RNF217: variants seen among roughly 807,000 people sequenced by gnomAD.
RNF217 encodes E3 ubiquitin-protein ligase RNF217.
In RNF217, 31 loss-of-function variants were observed where a neutral mutation model predicts 57.8. The observed-to-expected ratio is 0.54, with a 90% confidence interval of 0.40 to 0.72. The LOEUF (loss-of-function observed/expected upper bound fraction) is 0.72, where lower values mean the gene tolerates loss of function less well. Among genes scored for constraint, RNF217 ranks in the 30% least tolerant of loss-of-function variants. The probability of loss-of-function intolerance (pLI) is 0.00; values close to 1 mark genes in which losing one functional copy is unlikely to be tolerated. For missense variants in RNF217, 696 were observed against 708.3 expected (o/e 0.98, Z 0.20); for synonymous variants, 313 against 294.0 (o/e 1.06, Z -0.66).
At chr6:125,006,901 A>G (rs1022258636) in intron 1 of RNF217, among the ~76,000 whole-genome samples, 25 of 152,250 alleles carry the variant, frequency 1.6e-4, no homozygotes, top group African/African-American at 6.0e-4. Context: ...ATGAGCCGAG[A>G]TCGCGCCATT....
At position 125,034,604 on chromosome 6, in the gene RNF217, T is replaced by A. The variant is rs570184760; in HGVS notation, c.883-10607T>A. ...TGCTGTTTTGGTTACTGTAGCCTTG[T>A]AGTATAGTTTGAAGTCAGGTAGCGT... On this transcript the variant is annotated intron_variant, in intron 1 of 5. Transcript: ENST00000521654. Among the ~76,000 whole-genome samples, 633 of 152,294 alleles carry A rather than the reference T, an allele frequency of 4.2e-3. 5 individuals carry two copies. The highest frequency in any genetic ancestry group is 0.015 in the African/African-American group (608 of 41,562).
chr6:124,965,119 G>C (rs1306271370), intron 1 of RNF217, among the ~76,000 whole-genome samples: 1 of 152,146 alleles, frequency 6.6e-6, no homozygotes, highest in Admixed American at 6.5e-5. Context: ...GTAGTAGGGA[G>C]ACAGAGGGAC....
chr6:125,031,846 A>G (rs990294222), intron 1 of RNF217, among the ~76,000 whole-genome samples: 9 of 152,060 alleles, frequency 5.9e-5, no homozygotes, highest in African/African-American at 9.7e-5. Flanking sequence ...GCCCCACTCT[A>G]CTGGTACCAA....
At chr6:125,082,766 A>G in intron 5 of RNF217, 98 bp from the exon 6 acceptor site, 1 of 1,124,358 alleles carries the variant, frequency 8.9e-7, no homozygotes, top group Non-Finnish European at 1.3e-6. Flanking sequence ...TCTTCTTTGT[A>G]TGTTCGTACA....
intron 1 of RNF217, chr6:124,983,341 A>G: frequency 1.0e-6 from 1 of 982,838 alleles, no homozygotes; most frequent in Non-Finnish European, 1.2e-6. Flanking sequence ...AAGATGTGGG[A>G]TAGAACTCCG....
rs1788724496 is a variant in RNF217 at position 125,084,846 on chromosome 6, TTTA to T, written c.*1912_*1914del. On this transcript the variant is annotated 3_prime_UTR_variant, in exon 6 of 6. Coordinates refer to ENST00000521654, the MANE Select transcript of RNF217 (RefSeq NM_001286398.3). Reference sequence around the variant, plus strand: ...CACCCATCCATCCATTTAACAGATATTTATTGAGTGCCTATCTTAGGTGTAATA... The same window carrying T: ...CACCCATCCATCCATTTAACAGATATTTGAGTGCCTATCTTAGGTGTAATA... The T allele has an allele frequency of 2.0e-5, 3 of 151,900 alleles. No individual in the cohort carries two copies. In the South Asian group the frequency reaches 6.2e-4, roughly 31 times the overall value. 9.4% of individuals were successfully genotyped at this position (151,900 alleles called of 1,614,324 possible).
chr6:125,061,447 C>T (rs934800342), intron 3 of RNF217, among the ~76,000 whole-genome samples: 3 of 151,042 alleles, frequency 2.0e-5, no homozygotes, highest in African/African-American at 7.3e-5. Context: ...GTTTGTAATG[C>T]CCCCTTTTAA....
chr6:124,964,531 C>T (rs147456900), intron 1 of RNF217, among the ~76,000 whole-genome samples: 101 of 152,260 alleles, frequency 6.6e-4, no homozygotes, highest in African/African-American at 2.0e-3. Flanking sequence ...AACAGGGCTC[C>T]GTACCATGTG....
chr6:125,067,336 AG>A (rs1787970778), intron 3 of RNF217, among the ~76,000 whole-genome samples: 1 of 152,158 alleles, frequency 6.6e-6, no homozygotes. Flanking sequence ...AAAGCAGGAG[AG>A]TAGTGGTATC....
intron 2 of RNF217, among the ~76,000 whole-genome samples, chr6:125,052,905 G>A (rs912642090): frequency 1.3e-5 from 2 of 152,044 alleles, no homozygotes; most frequent in African/African-American, 4.8e-5. Flanking sequence ...ATATTTTGGG[G>A]GACATGCCAG....
At chr6:125,020,145 A>G (rs1020052921) in intron 1 of RNF217, among the ~76,000 whole-genome samples, 2 of 152,190 alleles carry the variant, frequency 1.3e-5, no homozygotes, top group African/African-American at 4.8e-5. Context: ...AACAGCTACC[A>G]TTGCAATTCG....
chr6:124,982,491 C>T (rs1204973581), intron 1 of RNF217, among the ~76,000 whole-genome samples: 1 of 151,926 alleles, frequency 6.6e-6, no homozygotes, highest in Non-Finnish European at 1.5e-5. Flanking sequence ...ATTGGTACCT[C>T]ACGTATGGGA....
At chr6:125,074,912 T>C (rs980136114) in intron 3 of RNF217, among the ~76,000 whole-genome samples, 2 of 152,180 alleles carry the variant, frequency 1.3e-5, no homozygotes, top group Non-Finnish European at 2.9e-5. Context: ...ACTGACACTC[T>C]AGTCCCGAAA....
chr6:125,019,354 G>A (rs796979176), intron 1 of RNF217, among the ~76,000 whole-genome samples: 3 of 152,194 alleles, frequency 2.0e-5, no homozygotes, highest in African/African-American at 7.2e-5. Context: ...TTACAACTCT[G>A]CTATCTTTCT....
intron 1 of RNF217, among the ~76,000 whole-genome samples, chr6:124,991,248 G>C (rs9491273): frequency 0.019 from 2,825 of 152,176 alleles, 103 homozygotes; most frequent in African/African-American, 0.064. Flanking sequence ...CTCAGAACCA[G>C]CTTCTCGGAC....
At chr6:125,026,461 A>G (rs910450208) in intron 1 of RNF217, among the ~76,000 whole-genome samples, 1 of 152,200 alleles carries the variant, frequency 6.6e-6, no homozygotes. Flanking sequence ...CATCATCGTC[A>G]TCATTATCAT....
chr6:125,057,571 G>T (rs1787570309), intron 2 of RNF217, among the ~76,000 whole-genome samples: 1 of 152,184 alleles, frequency 6.6e-6, no homozygotes, highest in Admixed American at 6.6e-5. Flanking sequence ...AATGGAAATG[G>T]CTGGGTAATT....
At chr6:125,037,681 G>A (rs1246233306) in intron 1 of RNF217, among the ~76,000 whole-genome samples, 1 of 152,112 alleles carries the variant, frequency 6.6e-6, no homozygotes, top group African/African-American at 2.4e-5. Context: ...CCCTGATGGT[G>A]CACCTCAAAG....
At chr6:125,012,760 G>C (rs1014771279) in intron 1 of RNF217, among the ~76,000 whole-genome samples, 3 of 152,126 alleles carry the variant, frequency 2.0e-5, no homozygotes, top group Non-Finnish European at 2.9e-5. Context: ...AAGTAGATGT[G>C]ATGCTTTAAT....
Sources: gnomAD v4.1 joint callset for allele counts (sites outside exome capture counted in the v4.1 genomes callset) on GRCh38, gnomAD v4.1.1 for gene constraint, MANE v1.5 for transcripts, NCBI Gene and HGNC (gene_info 2026-07-23, HGNC 2026-07-21) for gene names.